SEMA6B: variants seen among roughly 807,000 people sequenced by gnomAD.
The protein encoded by SEMA6B is semaphorin 6B.
A neutral mutation model predicts 78.6 loss-of-function variants in SEMA6B; 47 were observed. The observed-to-expected ratio is 0.60, with a 90% CI of 0.47 to 0.76. The LOEUF is 0.76. Ranked by LOEUF, SEMA6B falls within the 30% of genes least tolerant of loss-of-function variation. The pLI is 0.00. For synonymous variants in SEMA6B, 632 were observed against 592.2 expected (o/e 1.07, Z -0.98); for missense variants, 1,213 against 1,269.9 (o/e 0.96, Z 0.68).
rs761370854 is a variant in SEMA6B, at chr19:4,558,109, T to C, written c.162A>G (p.Gly54=). 4 of 1,528,698 alleles carry C rather than the reference T, an allele frequency of 2.6e-6. No homozygotes were observed. Among genetic ancestry groups the C allele is most frequent in the East Asian group, 2.5e-5 (1 of 39,628 alleles). The allele number at this position is 1,528,698 out of a possible 1,614,324, so 94.7% of individuals were successfully genotyped here. ...HYPVFVGSGP[G]RLTPAEGADD... The stretch of plus-strand genomic sequence containing the variant: ...CAGCACCTTCTGCGGGGGTCAGGCG[T>C]CCGGGCCCGCTGCCCACAAACACGG... Residue 54 remains glycine, a synonymous_variant, in exon 3 of 17, where the codon GGA becomes GGG. Transcript: ENST00000586582. The surrounding 1 kb of genome is among the most constrained non-coding windows in gnomAD (Gnocchi z 5.1).
chr19:4,553,304 G>A (rs1977378860), intron 9 of SEMA6B, among the ~76,000 whole-genome samples: 1 of 151,624 alleles, frequency 6.6e-6, no homozygotes, highest in African/African-American at 2.4e-5. Context: ...ATGAATGAAT[G>A]GATGGATAAG....
intron 5 of SEMA6B, 43 bp downstream of exon 5, chr19:4,556,908 G>A: frequency 2.5e-6 from 4 of 1,578,740 alleles, no homozygotes; most frequent in East Asian, 2.3e-5. Flanking sequence ...GGTAATGCCA[G>A]GGCTGATTCG....
Position 4,555,690 on chromosome 19 carries a change from CACTT to C in SEMA6B, c.472-130_472-127del, listed in dbSNP as rs1477110714. On this transcript the variant is annotated intron_variant, in intron 6 of 16. Transcript: ENST00000586582. The surrounding 1 kb of genome is among the most constrained non-coding windows in gnomAD (Gnocchi z 6.1). ...GGATTACTGTGTGACCTTGGCCACT[CACTT>C]AACCTCTCAGGGCCTCAGTTTACTG... The C allele has an allele frequency of 2.2e-5, 17 of 782,316 alleles. No individual in the cohort carries two copies. The highest frequency in any genetic ancestry group is 3.2e-5 in the Non-Finnish European group (15 of 473,016). The allele number at this position is 782,316 out of a possible 1,614,324, so 48.5% of individuals were successfully genotyped here. A position where few individuals can be genotyped will look rare whatever the true frequency, so the allele number is the denominator to read the frequency against.
chr19:4,551,982 C>A (rs1297467607), intron 10 of SEMA6B, among the ~76,000 whole-genome samples: 1 of 152,206 alleles, frequency 6.6e-6, no homozygotes, highest in African/African-American at 2.4e-5. Context: ...CCTGATCCAT[C>A]CTACCAGTTC....
At position 4,558,009 on chromosome 19, in the gene SEMA6B, GCTGTCCCCAGCAATAC is replaced by G; in HGVS notation, c.245+1_245+16del. Reference sequence around the variant, plus strand: ...TTCTGCTCGTCACACAGGCCTCCTTGCTGTCCCCAGCAATACCTGTCCCCAATGAACAGCGTCCTGT... The same window carrying G: ...TTCTGCTCGTCACACAGGCCTCCTTGCTGTCCCCAATGAACAGCGTCCTGT... On this transcript the variant is annotated splice_donor_variant and splice_donor_5th_base_variant and intron_variant, in intron 3 of 16. Coordinates refer to ENST00000586582, the MANE Select transcript of SEMA6B (RefSeq NM_032108.4). LOFTEE classifies it high-confidence loss of function. This position sits in a 1 kb window ranked among gnomAD's most constrained non-coding sequence, Gnocchi z 5.1. 1 of 1,380,100 alleles carries G rather than the reference GCTGTCCCCAGCAATAC, an allele frequency of 7.2e-7. No individual in the cohort carries two copies. The highest frequency in any genetic ancestry group is 9.5e-7 in the Non-Finnish European group (1 of 1,050,340). 85.5% of individuals were successfully genotyped at this position (1,380,100 alleles called of 1,614,324 possible).
intron 12 of SEMA6B, among the ~76,000 whole-genome samples, chr19:4,549,298 TC>T (rs1977255203): frequency 8.8e-6 from 1 of 114,054 alleles, no homozygotes; most frequent in East Asian, 2.9e-4. Flanking sequence ...TCTGTCTACC[TC>T]TTTTTTTTTT....
Position 4,548,157 on chromosome 19 carries a change from C to G in SEMA6B, c.1471G>C (p.Gly491Arg), listed in dbSNP as rs779426126. The part of the protein sequence containing the change: ...YRPDRCGRPG[G>R]GETGQRLLSL... ...AGCAGCCGCTGCCCTGTCTCGCCACCGCCGGGCCGTCCACACCTGGGGACA... is the reference window on the plus strand; with the variant it reads ...AGCAGCCGCTGCCCTGTCTCGCCACGGCCGGGCCGTCCACACCTGGGGACA... The change falls in exon 14 of 17, where the codon GGT becomes CGT. Residue 491 changes from glycine (G) to arginine (R), a missense_variant. Coordinates refer to ENST00000586582, the MANE Select transcript of SEMA6B (RefSeq NM_032108.4). The G allele has an allele frequency of 6.3e-6, 10 of 1,591,254 alleles. No homozygotes were observed. In the African/African-American group the frequency reaches 9.4e-5, roughly 15 times the overall value.
chr19:4,554,476 T>A lies in SEMA6B; in HGVS notation c.683A>T (p.Glu228Val). 1.2e-6 allele frequency: 2 copies of A among 1,613,280 alleles called. No individual in the cohort carries two copies. Among genetic ancestry groups the A allele is most frequent in the Non-Finnish European group, 1.7e-6 (2 of 1,179,490 alleles). The change falls in exon 9 of 17, where the codon GAG (glutamate) becomes GTG (valine). Residue 228 changes from glutamate (E) to valine (V), a missense_variant and splice_region_variant. Physicochemically the swap from Glu to Val is moderately radical, Grantham distance 121. Transcript: ENST00000586582. ...TVKHDSKWFK[E>V]PYFVHAVEWG... ...CTCCACCGCATGGACAAAGTAAGGC[T>A]CTGCAGGACAGGAGGGGTCAGAACT...
chr19:4,556,183 G>C (rs1977465090), intron 5 of SEMA6B, 94 bp from the exon 6 acceptor site: 1 of 848,378 alleles, frequency 1.2e-6, no homozygotes, highest in African/African-American at 1.7e-5. Flanking sequence ...GTGGAGGGCC[G>C]GTCTGTTGTG....
At position 4,543,083 on chromosome 19, in the gene SEMA6B, A is replaced by C. The variant is rs1052189914; in HGVS notation, c.*518T>G. 3 of 638,114 alleles carry C rather than the reference A, an allele frequency of 4.7e-6. No individual in the cohort carries two copies. The African/African-American group carries it at 5.4e-5, about 12-fold the overall frequency. The allele number at this position is 638,114 out of a possible 1,614,324, so 39.5% of individuals were successfully genotyped here. On this transcript the variant is annotated 3_prime_UTR_variant, in exon 17 of 17. Coordinates refer to ENST00000586582, the MANE Select transcript of SEMA6B (RefSeq NM_032108.4). ...CCCACAGCAGCCTTCGCTGGCACGCACACACACGCCCACCTCCCCGGCCCC... is the reference window on the plus strand; with the variant it reads ...CCCACAGCAGCCTTCGCTGGCACGCCCACACACGCCCACCTCCCCGGCCCC...
rs200354189 is a variant in SEMA6B at position 4,552,427 on chromosome 19, G to T, written c.984C>A (p.Ser328Arg). 34 of 1,579,080 alleles carry T rather than the reference G, an allele frequency of 2.2e-5. No homozygotes were observed. The African/African-American group carries it at 4.3e-4, about 20-fold the overall frequency. The change falls in exon 10 of 17, where the codon AGC becomes AGA. Residue 328 changes from serine (S) to arginine (R), a missense_variant. Physicochemically the swap from Ser to Arg is moderately radical, Grantham distance 110. Transcript: ENST00000586582. This position sits in a 1 kb window ranked among gnomAD's most constrained non-coding sequence, Gnocchi z 7.4. ...TCCCATTGGTGGGCGCTGACCTGTT[G>T]CTGGGCGTGGAAAAAACGGCCAGGA... ...PVVLAVFSTP[S>R]NSIPGSAVCA...
chr19:4,555,527 C>A lies in SEMA6B; in HGVS notation c.509G>T (p.Gly170Val), dbSNP rs1447541046. 1 of 1,613,456 alleles carries A rather than the reference C, an allele frequency of 6.2e-7. No individual in the cohort carries two copies. The highest frequency in any genetic ancestry group is 1.3e-5 in the African/African-American group (1 of 74,866). Reference protein sequence around the residue: ...TLQPVGDNISGMARCPYDPKH... With the variant: ...TLQPVGDNISVMARCPYDPKH... ...GGGGTCGTACGGGCAGCGGGCCATA[C>A]CGCTGATGTTGTCTCCGACGGGCTG... The change falls in exon 7 of 17, where the codon GGT becomes GTT. Residue 170 changes from glycine to valine, a missense_variant. Coordinates refer to ENST00000586582, the MANE Select transcript of SEMA6B (RefSeq NM_032108.4). This position sits in a 1 kb window ranked among gnomAD's most constrained non-coding sequence, Gnocchi z 6.1.
chr19:4,548,081 CG>C lies in SEMA6B; in HGVS notation c.1546del (p.Arg516AlafsTer18). ...ASGGLLAAFP[R>X]CVVRVPVARC... Reference sequence around the variant, plus strand: ...AGCCACAGGCACTCGGACCACGCAGCGGGGGAAGGCAGCCAGCAGGCCCCCC... The same window carrying C: ...AGCCACAGGCACTCGGACCACGCAGCGGGGAAGGCAGCCAGCAGGCCCCCC... On this transcript the variant is annotated frameshift_variant, in exon 14 of 17. Transcript: ENST00000586582. LOFTEE classifies it high-confidence loss of function. The C allele has an allele frequency of 6.3e-7, 1 of 1,590,896 alleles. No homozygotes were observed. Among genetic ancestry groups the C allele is most frequent in the African/African-American group, 1.3e-5 (1 of 74,890 alleles).
chr19:4,552,764 G>A lies in SEMA6B; in HGVS notation c.772-125C>T, dbSNP rs569548177. ...CTGACCCTGGCTCTGGTGGGACCCC[G>A]GCCAGTCACCGTTCCTCTCTGGGCA... is the stretch of plus-strand genomic sequence containing the variant. On this transcript the variant is annotated intron_variant, in intron 9 of 16. Transcript: ENST00000586582. This position sits in a 1 kb window ranked among gnomAD's most constrained non-coding sequence, Gnocchi z 7.4. 17 of 877,900 alleles carry A rather than the reference G, an allele frequency of 1.9e-5. No homozygotes were observed. Among genetic ancestry groups the A allele is most frequent in the African/African-American group, 5.1e-5 (3 of 59,004 alleles). The allele number at this position is 877,900 out of a possible 1,614,324, so 54.4% of individuals were successfully genotyped here. A position where few individuals can be genotyped will look rare whatever the true frequency, so the allele number is the denominator to read the frequency against.
At position 4,552,703 on chromosome 19, in the gene SEMA6B, C is replaced by A; in HGVS notation, c.772-64G>T. On this transcript the variant is annotated intron_variant, in intron 9 of 16. Coordinates refer to ENST00000586582, the MANE Select transcript of SEMA6B (RefSeq NM_032108.4). This position sits in a 1 kb window ranked among gnomAD's most constrained non-coding sequence, Gnocchi z 7.4. ...TGTCCCAGGAAGGCCTGTTCACAGG[C>A]TGTGCCACTCACCACCCAAACTGTG... 8 of 1,461,764 alleles carry A rather than the reference C, an allele frequency of 5.5e-6. No homozygotes were observed. Among genetic ancestry groups the A allele is most frequent in the Non-Finnish European group, 7.4e-6 (8 of 1,077,300 alleles). 90.5% of individuals were successfully genotyped at this position (1,461,764 alleles called of 1,614,324 possible).
At chr19:4,548,594 G>T (rs1456911320) in intron 12 of SEMA6B, 149 bp from the exon 13 acceptor site, 3 of 737,582 alleles carry the variant, frequency 4.1e-6, no homozygotes, top group Non-Finnish European at 6.6e-6. Context: ...GGATGCCGGG[G>T]ACATGCGTGA....
Position 4,542,675 on chromosome 19 carries a change from T to C in SEMA6B, c.*926A>G. ...AGGGCAGAGGACCCAGCCAGCCACG[T>C]GGCATGCATGGTCAGCTGGAGGTCA... On this transcript the variant is annotated 3_prime_UTR_variant, in exon 17 of 17. Coordinates refer to ENST00000586582, the MANE Select transcript of SEMA6B (RefSeq NM_032108.4). 1.6e-6 allele frequency: 1 copy of C among 633,224 alleles called. No individual in the cohort carries two copies. The highest frequency in any genetic ancestry group is 1.7e-5 in the South Asian group (1 of 59,778). 39.2% of individuals were successfully genotyped at this position (633,224 alleles called of 1,614,324 possible).
chr19:4,544,104 TG>T lies in SEMA6B; in HGVS notation c.2163del (p.Thr722LeufsTer108). On this transcript the variant is annotated frameshift_variant, in exon 17 of 17. Transcript: ENST00000586582. LOFTEE classifies it high-confidence loss of function. The surrounding 1 kb of genome is among the most constrained non-coding windows in gnomAD (Gnocchi z 5.1). ...AGGGCGTGGGGGTGCGGGTGCGGAGTGGGCAGGCGCTTCTGCGGCAGCGGCG... is the reference window on the plus strand; with the variant it reads ...AGGGCGTGGGGGTGCGGGTGCGGAGTGGCAGGCGCTTCTGCGGCAGCGGCG... Reference protein sequence around the residue: ...EQTPLPQKRLPTPHPHPHALG... With the variant: ...EQTPLPQKRLXTPHPHPHALG... 7.9e-7 allele frequency: 1 copy of T among 1,264,914 alleles called. No homozygotes were observed. Among genetic ancestry groups the T allele is most frequent in the Non-Finnish European group, 9.9e-7 (1 of 1,006,380 alleles). 78.4% of individuals were successfully genotyped at this position (1,264,914 alleles called of 1,614,324 possible). A position where few individuals can be genotyped will look rare whatever the true frequency, so the allele number is the denominator to read the frequency against.
chr19:4,556,863 G>C, intron 5 of SEMA6B, 88 bp downstream of exon 5: 2 of 1,261,866 alleles, frequency 1.6e-6, no homozygotes, highest in Non-Finnish European at 2.2e-6. Context: ...GGCTGGCGGG[G>C]TGGGCGTGGC....
Sources: allele counts gnomAD v4.1 joint callset (sites outside exome capture counted in the v4.1 genomes callset), GRCh38; gene constraint gnomAD v4.1.1; non-coding constraint Gnocchi (gnomAD v3.1); transcripts MANE v1.5; gene names NCBI Gene and HGNC (gene_info 2026-07-23, HGNC 2026-07-21).